Variants in DCDC1 observed in about 807,000 individuals in gnomAD.
The protein encoded by DCDC1 is doublecortin domain-containing protein 1.
Under a neutral mutation model 178.3 loss-of-function variants are expected in DCDC1, and 200 were observed. The observed-to-expected ratio is 1.12, with a 90% CI of 1.00 to 1.26. The LOEUF (loss-of-function observed/expected upper bound fraction) is 1.26. Among genes scored for constraint, DCDC1 ranks in the 50% most tolerant of loss-of-function variants. The pLI, the probability that DCDC1 is intolerant of heterozygous loss-of-function variation, is 0.00. For synonymous variants in DCDC1, 690 were observed against 604.8 expected (o/e 1.14, Z -2.07); for missense variants, 1,983 against 1,749.2 (o/e 1.13, Z -2.38).
At position 31,307,760 on chromosome 11, in the gene DCDC1, C is replaced by A. The variant is rs746300328; in HGVS notation, c.313G>T (p.Asp105Tyr). 2 of 1,613,980 alleles carry A rather than the reference C, an allele frequency of 1.2e-6. No homozygotes were observed. Among genetic ancestry groups the A allele is most frequent in the African/African-American group, 1.3e-5 (1 of 74,906 alleles). Reference sequence around the variant, plus strand: ...TCTGATATTTCATCATGGCTGTGATCTGATGCTGTTTGATGTGTGGAGCAA... The same window carrying A: ...TCTGATATTTCATCATGGCTGTGATATGATGCTGTTTGATGTGTGGAGCAA... ...QDCSTHQTAS[D>Y]HSHDEISDLD... is the part of the protein sequence containing the mutation. The change falls in exon 4 of 39, where the codon GAT becomes TAT. Residue 105 changes from aspartate (D) to tyrosine (Y), a missense_variant. Transcript: ENST00000684477.
chr11:31,322,372 A>G (rs1167697051), intron 3 of DCDC1, among the ~76,000 whole-genome samples: 1 of 152,218 alleles, frequency 6.6e-6, no homozygotes, highest in Non-Finnish European at 1.5e-5. Context: ...CTTCTTAGAT[A>G]AAGTCTCGGT....
At chr11:31,205,298 A>G (rs1417293626) in intron 9 of DCDC1, among the ~76,000 whole-genome samples, 1 of 152,230 alleles carries the variant, frequency 6.6e-6, no homozygotes, top group African/African-American at 2.4e-5. Context: ...CAGAGGCTGT[A>G]TGGTACACAA....
At chr11:31,032,859 G>A (rs992334902) in intron 20 of DCDC1, among the ~76,000 whole-genome samples, 8 of 152,148 alleles carry the variant, frequency 5.3e-5, no homozygotes, top group Middle Eastern at 6.8e-3. Context: ...CAAGTACCTC[G>A]GGACAATTAC....
At chr11:31,332,362 T>C (rs573144630) in intron 2 of DCDC1, among the ~76,000 whole-genome samples, 29 of 152,318 alleles carry the variant, frequency 1.9e-4, no homozygotes, top group African/African-American at 6.7e-4. Context: ...TGAAGGGATT[T>C]TGTGTGTCTA....
chr11:31,234,424 A>G (rs1976206041), intron 9 of DCDC1, among the ~76,000 whole-genome samples: 1 of 152,218 alleles, frequency 6.6e-6, no homozygotes, highest in South Asian at 2.1e-4. Context: ...GGAAGCCACT[A>G]TATATGTCTC....
chr11:30,979,157 A>AT (rs1950258822), intron 20 of DCDC1, among the ~76,000 whole-genome samples: 1 of 152,122 alleles, frequency 6.6e-6, no homozygotes, highest in South Asian at 2.1e-4. Flanking sequence ...TCTGGGATTC[A>AT]CTCCTCCACA....
intron 21 of DCDC1, among the ~76,000 whole-genome samples, chr11:30,932,205 A>G (rs571678044): frequency 0.052 from 613 of 11,834 alleles, 6 homozygotes; most frequent in African/African-American, 0.17. Flanking sequence ...TCAGAGAAAC[A>G]TCATTCTCGA....
chr11:31,081,686 C>G (rs1957186059), intron 17 of DCDC1, among the ~76,000 whole-genome samples: 2 of 152,140 alleles, frequency 1.3e-5, no homozygotes, highest in Admixed American at 1.3e-4. Flanking sequence ...CAAATTTTAT[C>G]AAGCTTCAAT....
intron 38 of DCDC1, among the ~76,000 whole-genome samples, chr11:30,877,608 G>C (rs1725495346): frequency 6.6e-6 from 1 of 152,030 alleles, no homozygotes; most frequent in Non-Finnish European, 1.5e-5. Flanking sequence ...TATGACTTTT[G>C]ATCACTGGGC....
chr11:30,993,449 C>G (rs1951092934), intron 20 of DCDC1, among the ~76,000 whole-genome samples: 1 of 151,582 alleles, frequency 6.6e-6, no homozygotes, highest in Non-Finnish European at 1.5e-5. Flanking sequence ...AAGCATCAAG[C>G]AAGCAAAAAG....
At chr11:31,100,904 GCAAAATA>G (rs1314542061) in intron 15 of DCDC1, among the ~76,000 whole-genome samples, 2 of 152,058 alleles carry the variant, frequency 1.3e-5, no homozygotes, top group Non-Finnish European at 2.9e-5. Flanking sequence ...TCAGATGAAG[GCAAAATA>G]CAAAATACAT....
At chr11:31,142,435 A>C (rs16921848) in intron 9 of DCDC1, among the ~76,000 whole-genome samples, 3,130 of 152,122 alleles carry the variant, frequency 0.021, 95 homozygotes, top group African/African-American at 0.07. Flanking sequence ...ATAAATAGTA[A>C]GGTTGATTCT....
chr11:31,292,064 A>G (rs1348705036), intron 6 of DCDC1, among the ~76,000 whole-genome samples: 1 of 152,122 alleles, frequency 6.6e-6, no homozygotes, highest in African/African-American at 2.4e-5. Context: ...ACACATATAA[A>G]AACACATATA....
rs552002482 is a variant in DCDC1, at chr11:30,957,803, G to T, written c.2592-5235C>A. Among the ~76,000 whole-genome samples, 3 of 152,242 alleles carry T rather than the reference G, an allele frequency of 2.0e-5. No homozygotes were observed. The South Asian group carries it at 6.2e-4, about 32-fold the overall frequency. On this transcript the variant is annotated intron_variant, in intron 20 of 38. Coordinates refer to ENST00000684477, the MANE Select transcript of DCDC1 (RefSeq NM_001387274.1). ...TGACATGTGGTAAGACAGATGCAACGACATCCTATATTGTACAATGGAAGT... is the reference window on the plus strand; with the variant it reads ...TGACATGTGGTAAGACAGATGCAACTACATCCTATATTGTACAATGGAAGT...
intron 20 of DCDC1, among the ~76,000 whole-genome samples, chr11:31,033,460 G>A (rs1279609838): frequency 6.6e-6 from 1 of 151,796 alleles, no homozygotes; most frequent in East Asian, 1.9e-4. Flanking sequence ...GAATTCTCCT[G>A]TAAGAAAGAG....
chr11:31,052,718 C>A (rs1446804209), intron 20 of DCDC1, among the ~76,000 whole-genome samples: 4 of 152,058 alleles, frequency 2.6e-5, no homozygotes, highest in South Asian at 4.1e-4. Context: ...AATTAAATAA[C>A]CTGCTCCTGA....
rs112988420 is a variant in DCDC1, at chr11:30,969,535, T to C, written c.2592-16967A>G. On this transcript the variant is annotated intron_variant, in intron 20 of 38. Transcript: ENST00000684477. ...CTAGAATTATGAAGATAAATTTCTA[T>C]TGTTTTAAGTCACCAAGTTTGAGGC... Among the ~76,000 whole-genome samples, 169 of 152,332 alleles carry C rather than the reference T, an allele frequency of 1.1e-3. No individual in the cohort carries two copies. In the Middle Eastern group the frequency reaches 0.02, roughly 18 times the overall value.
intron 20 of DCDC1, among the ~76,000 whole-genome samples, chr11:31,055,883 T>C (rs1395443028): frequency 6.6e-6 from 1 of 152,110 alleles, no homozygotes; most frequent in African/African-American, 2.4e-5. Context: ...GACAAAATAC[T>C]ACAAATATGG....
intron 9 of DCDC1, among the ~76,000 whole-genome samples, chr11:31,206,653 T>TC (rs1409565117): frequency 1.3e-5 from 2 of 152,042 alleles, no homozygotes; most frequent in Non-Finnish European, 2.9e-5. Flanking sequence ...GACCTTGTGA[T>TC]CCGCCCCCCT....
Sources: gnomAD v4.1 joint callset for allele counts (sites outside exome capture counted in the v4.1 genomes callset) on GRCh38, gnomAD v4.1.1 for gene constraint, MANE v1.5 for transcripts, NCBI Gene and HGNC (gene_info 2026-07-23, HGNC 2026-07-21) for gene names.